The following RFX3 variants were observed in gnomAD, a reference collection of about 807,000 sequenced individuals.
RFX3 encodes the protein transcription factor RFX3.
RFX3 carries 14 observed loss-of-function variants against 98.6 expected under a neutral mutation model. That is an observed-to-expected ratio of 0.14 (90% CI 0.09 to 0.22). RFX3 has a LOEUF of 0.22. Among genes scored for constraint, RFX3 ranks in the 10% least tolerant of loss-of-function variants. RFX3 has a pLI of 1.00. For missense variants in RFX3, 639 were observed against 926.9 expected, an observed-to-expected ratio of 0.69 and a Z score of 4.03; for synonymous variants, 383 against 328.4, an observed-to-expected ratio of 1.17 and a Z score of -1.80.
intron 1 of RFX3, among the ~76,000 whole-genome samples, chr9:3,483,238 G>A (rs1849950966): frequency 6.6e-6 from 1 of 152,088 alleles, no homozygotes; most frequent in Admixed American, 6.6e-5. Context: ...CATTTTAGTT[G>A]TCACAATGAT....
rs138510942 is a variant in RFX3 at position 3,224,630 on chromosome 9, C to A, written c.*412G>T. ...AAATGGGCATGCCTCCAGTGTAAAT[C>A]AAAAAAATCATTTCTTTTGATATTT... On this transcript the variant is annotated 3_prime_UTR_variant, in exon 17 of 17. Coordinates refer to ENST00000617270, the MANE Select transcript of RFX3 (RefSeq NM_001282116.2). The A allele has an allele frequency of 4.2e-5, 7 of 165,874 alleles. No individual in the cohort carries two copies. The highest frequency in any genetic ancestry group is 1.8e-4 in the East Asian group (1 of 5,654). 10.3% of individuals were successfully genotyped at this position (165,874 alleles called of 1,614,324 possible).
At chr9:3,386,719 G>A (rs1237901158) in intron 2 of RFX3, among the ~76,000 whole-genome samples, 1 of 152,172 alleles carries the variant, frequency 6.6e-6, no homozygotes, top group Non-Finnish European at 1.5e-5. Context: ...GATTTAGCTT[G>A]TCCAGAAGTG....
intron 1 of RFX3, among the ~76,000 whole-genome samples, chr9:3,416,446 T>A (rs1408642150): frequency 1.3e-5 from 2 of 152,162 alleles, no homozygotes; most frequent in African/African-American, 2.4e-5. Context: ...TTTAAACTGA[T>A]CCTCAGTGTT....
intron 1 of RFX3, among the ~76,000 whole-genome samples, chr9:3,496,210 A>C (rs771715714): frequency 1.3e-5 from 2 of 152,028 alleles, no homozygotes; most frequent in East Asian, 3.8e-4. Flanking sequence ...ATATTTACTA[A>C]AATAACTAAA....
At chr9:3,274,414 C>T (rs1376209089) in intron 9 of RFX3, among the ~76,000 whole-genome samples, 1 of 152,152 alleles carries the variant, frequency 6.6e-6, no homozygotes, top group Non-Finnish European at 1.5e-5. Context: ...ACTCTTCTTT[C>T]AAAAGAAGCA....
At chr9:3,426,698 T>C (rs1252734223) in intron 1 of RFX3, among the ~76,000 whole-genome samples, 1 of 152,200 alleles carries the variant, frequency 6.6e-6, no homozygotes, top group African/African-American at 2.4e-5. Flanking sequence ...CTAGGTTGCA[T>C]GTTTCTTATG....
chr9:3,518,257 A>AAC (rs1348921907), intron 1 of RFX3, among the ~76,000 whole-genome samples: 2 of 152,196 alleles, frequency 1.3e-5, no homozygotes, highest in East Asian at 3.8e-4. Context: ...ATGACTGCAT[A>AAC]ACCTGACCAT....
intron 2 of RFX3, among the ~76,000 whole-genome samples, chr9:3,368,515 A>T (rs1161331329): frequency 6.6e-6 from 1 of 152,224 alleles, no homozygotes; most frequent in African/African-American, 2.4e-5. Flanking sequence ...AGAAAAGTAA[A>T]AGGGCATTGA....
chr9:3,239,679 T>A (rs967675194), intron 15 of RFX3, among the ~76,000 whole-genome samples: 1 of 152,212 alleles, frequency 6.6e-6, no homozygotes, highest in African/African-American at 2.4e-5. Context: ...AACAGGAGCA[T>A]TTAACACCAC....
intron 15 of RFX3, among the ~76,000 whole-genome samples, chr9:3,233,075 A>G (rs908839206): frequency 6.6e-6 from 1 of 152,230 alleles, no homozygotes. Context: ...TATCCTATAG[A>G]CTATTTCCTC....
intron 1 of RFX3, among the ~76,000 whole-genome samples, chr9:3,439,877 G>A (rs754675130): frequency 1.8e-4 from 28 of 152,010 alleles, no homozygotes; most frequent in African/African-American, 6.3e-4. Flanking sequence ...ATCTTAAACC[G>A]TTAAATCTAA....
Position 3,391,017 on chromosome 9 carries a change from C to A in RFX3, c.117+4455G>T, listed in dbSNP as rs149276796. Among the ~76,000 whole-genome samples the A allele has an allele frequency of 5.0e-3, 759 of 152,216 alleles. 7 individuals carry two copies. The highest frequency in any genetic ancestry group is 0.01 in the Middle Eastern group (3 of 294). ...TTTAAAAATTAGCTATAAACTTTCT[C>A]TTTATGTCAAAATCAACAAAGCAAA... On this transcript the variant is annotated intron_variant, in intron 2 of 16. Transcript: ENST00000617270.
At chr9:3,430,936 A>C (rs1459578010) in intron 1 of RFX3, among the ~76,000 whole-genome samples, 2 of 152,236 alleles carry the variant, frequency 1.3e-5, no homozygotes, top group Non-Finnish European at 2.9e-5. Context: ...TCCATTATAA[A>C]AAGTTAAAAT....
At chr9:3,337,047 T>C (rs2130987733) in intron 3 of RFX3, among the ~76,000 whole-genome samples, 1 of 152,268 alleles carries the variant, frequency 6.6e-6, no homozygotes, top group Non-Finnish European at 1.5e-5. Context: ...AGTTTGGATT[T>C]TGATTTGGGC....
chr9:3,409,695 TA>T lies in RFX3; in HGVS notation c.-8-14100del, dbSNP rs574769593. 3.2e-3 allele frequency among the ~76,000 whole-genome samples: 486 copies of T among 152,334 alleles called. 1 individual carries two copies. Among genetic ancestry groups the T allele is most frequent in the Non-Finnish European group, 5.9e-3 (403 of 68,028 alleles). On this transcript the variant is annotated intron_variant, in intron 1 of 16. Transcript: ENST00000617270. ...AATTTATGTTTCAGCAAACTGATTT[TA>T]AAAAAACTATCTATTCAGTGAATTG...
chr9:3,489,530 C>T (rs985965654), intron 1 of RFX3: 4 of 406,540 alleles, frequency 9.8e-6, no homozygotes, highest in African/African-American at 8.7e-5. Context: ...AATTACTCTA[C>T]CAAATACTTA....
chr9:3,487,298 T>A (rs1267690459), intron 1 of RFX3, among the ~76,000 whole-genome samples: 1 of 152,244 alleles, frequency 6.6e-6, no homozygotes, highest in South Asian at 2.1e-4. Flanking sequence ...TATTTACTAA[T>A]GTCATTTTAA....
At chr9:3,356,981 A>ACT (rs1474980770) in intron 2 of RFX3, among the ~76,000 whole-genome samples, 2 of 151,352 alleles carry the variant, frequency 1.3e-5, no homozygotes, top group African/African-American at 4.8e-5. Flanking sequence ...ACGCACACAC[A>ACT]CACACACACA....
chr9:3,287,296 C>G (rs1257078516), intron 7 of RFX3, among the ~76,000 whole-genome samples: 1 of 151,876 alleles, frequency 6.6e-6, no homozygotes, highest in African/African-American at 2.4e-5. Context: ...CAGAGGCCTC[C>G]TTTCTCCTAC....
Sources: allele counts gnomAD v4.1 joint callset (sites outside exome capture counted in the v4.1 genomes callset), GRCh38; gene constraint gnomAD v4.1.1; transcripts MANE v1.5; gene names NCBI Gene and HGNC (gene_info 2026-07-23, HGNC 2026-07-21).